SH3GLB1: variants seen among roughly 807,000 people sequenced by gnomAD.
SH3GLB1 encodes the protein endophilin-B1.
SH3GLB1 carries 17 observed loss-of-function variants against 42.0 expected under a neutral mutation model. The observed-to-expected ratio is 0.40, with a 90% CI of 0.28 to 0.61. SH3GLB1 has a LOEUF of 0.61. Among genes scored for constraint, SH3GLB1 ranks in the 20% least tolerant of loss-of-function variants. The pLI, the probability that SH3GLB1 is intolerant of heterozygous loss-of-function variation, is 0.36. For missense variants in SH3GLB1, 355 were observed against 426.3 expected, an observed-to-expected ratio of 0.83 and a Z score of 1.47; for synonymous variants, 132 against 146.6, an observed-to-expected ratio of 0.90 and a Z score of 0.72.
In SH3GLB1 at chr1:86,743,858, A is replaced by C. The variant is rs534947914; in HGVS notation, c.*623A>C. Reference sequence around the variant, plus strand: ...CTACTGAATGGTTTCTTTTAAATTTAAGAACAACTAGTTCTTGAAAAGCAA... The same window carrying C: ...CTACTGAATGGTTTCTTTTAAATTTCAGAACAACTAGTTCTTGAAAAGCAA... On this transcript the variant is annotated 3_prime_UTR_variant, in exon 9 of 9. Transcript: ENST00000370558. 1.3e-5 allele frequency: 2 copies of C among 152,734 alleles called. No homozygotes were observed. The highest frequency in any genetic ancestry group is 4.1e-4 in the South Asian group (2 of 4,826). The allele number at this position is 152,734 out of a possible 1,614,324, so 9.5% of individuals were successfully genotyped here. A position where few individuals can be genotyped will look rare whatever the true frequency, so the allele number is the denominator to read the frequency against.
intron 7 of SH3GLB1, among the ~76,000 whole-genome samples, chr1:86,735,671 C>T (rs376227615): frequency 1.3e-5 from 2 of 152,178 alleles, no homozygotes; most frequent in Non-Finnish European, 1.5e-5. Context: ...AGCTCAATCA[C>T]TCATTCATCA....
Position 86,728,456 on chromosome 1 carries a change from C to A in SH3GLB1, c.570+4051C>A, listed in dbSNP as rs549057908. 17 of 1,554,058 alleles carry A rather than the reference C, an allele frequency of 1.1e-5. No homozygotes were observed. The African/African-American group carries it at 2.0e-4, about 19-fold the overall frequency. Reference sequence around the variant, plus strand: ...ATAACATTATGGTAAATTTCTCTTACATGCTCAACTTCCTGCATGTAAAAT... The same window carrying A: ...ATAACATTATGGTAAATTTCTCTTAAATGCTCAACTTCCTGCATGTAAAAT... On this transcript the variant is annotated intron_variant, in intron 5 of 8. Coordinates refer to ENST00000370558, the MANE Select transcript of SH3GLB1 (RefSeq NM_016009.5).
rs545137591 is a variant in SH3GLB1 at position 86,709,186 on chromosome 1, C to G, written c.72+4215C>G. ...CTCTTGGAACTCTAAAGTTCTGTTACTCTGACTTTCTTTAATAAGTTTGTA... is the reference window on the plus strand; with the variant it reads ...CTCTTGGAACTCTAAAGTTCTGTTAGTCTGACTTTCTTTAATAAGTTTGTA... On this transcript the variant is annotated intron_variant, in intron 1 of 8. Transcript: ENST00000370558. Among the ~76,000 whole-genome samples, 17 of 152,254 alleles carry G rather than the reference C, an allele frequency of 1.1e-4. No homozygotes were observed. The South Asian group carries it at 3.5e-3, about 32-fold the overall frequency.
intron 5 of SH3GLB1, chr1:86,730,059 A>AT (rs1231507588): frequency 6.4e-7 from 1 of 1,574,508 alleles, no homozygotes. Context: ...CATGCTTTAT[A>AT]TTTTTCTCTA....
intron 7 of SH3GLB1, among the ~76,000 whole-genome samples, chr1:86,740,150 CA>C (rs35758882): frequency 0.35 from 48,791 of 141,136 alleles, 10,225 homozygotes; most frequent in African/African-American, 0.63. Flanking sequence ...ACTCCTGTAT[CA>C]AAAAAAAAAA....
intron 5 of SH3GLB1, among the ~76,000 whole-genome samples, chr1:86,725,453 G>C (rs1447754720): frequency 6.6e-6 from 1 of 152,052 alleles, no homozygotes. Context: ...GTTAATCCAA[G>C]TTATACTGTC....
chr1:86,708,542 C>T (rs1001795868), intron 1 of SH3GLB1, among the ~76,000 whole-genome samples: 3 of 152,156 alleles, frequency 2.0e-5, no homozygotes, highest in African/African-American at 7.2e-5. Context: ...ATCACCACTC[C>T]ACTTCCCTCC....
intron 2 of SH3GLB1, among the ~76,000 whole-genome samples, chr1:86,716,254 GT>G (rs144643886): frequency 2.0e-5 from 3 of 149,522 alleles, no homozygotes; most frequent in African/African-American, 7.6e-5. Context: ...TTTTTGGTGT[GT>G]TTTTTTGTTT....
intron 5 of SH3GLB1, among the ~76,000 whole-genome samples, chr1:86,730,687 G>A (rs1212843295): frequency 2.0e-5 from 3 of 151,892 alleles, no homozygotes; most frequent in East Asian, 1.9e-4. Flanking sequence ...GTTTAGTAGC[G>A]GCAGTTTTTT....
chr1:86,742,073 C>A, intron 7 of SH3GLB1, 135 bp from the exon 8 acceptor site: 1 of 628,784 alleles, frequency 1.6e-6, no homozygotes, highest in Non-Finnish European at 2.8e-6. Context: ...TATACTTTGT[C>A]ATTAACGTAT....
intron 5 of SH3GLB1, among the ~76,000 whole-genome samples, chr1:86,733,604 G>A (rs1655626987): frequency 6.6e-6 from 1 of 151,960 alleles, no homozygotes; most frequent in African/African-American, 2.4e-5. Context: ...AAGCTGTGAG[G>A]TTTTATTTCT....
chr1:86,742,833 C>T (rs1021740962), intron 8 of SH3GLB1, among the ~76,000 whole-genome samples: 2 of 151,880 alleles, frequency 1.3e-5, no homozygotes, highest in East Asian at 1.9e-4. Flanking sequence ...TGGTGGTGTG[C>T]GCCTGTAGTC....
chr1:86,741,269 G>A (rs554225317), intron 7 of SH3GLB1, among the ~76,000 whole-genome samples: 154 of 152,258 alleles, frequency 1.0e-3, no homozygotes, highest in African/African-American at 3.6e-3. Context: ...TAGTGCTCGT[G>A]AAGAGAAAAG....
chr1:86,719,050 G>T (rs928131369), intron 2 of SH3GLB1, among the ~76,000 whole-genome samples: 1 of 152,190 alleles, frequency 6.6e-6, no homozygotes, highest in Non-Finnish European at 1.5e-5. Context: ...GAGAGCAAAT[G>T]CTCATGCTAA....
At chr1:86,738,675 T>G (rs1655903007) in intron 7 of SH3GLB1, 1 of 152,286 alleles carries the variant, frequency 6.6e-6, no homozygotes, top group South Asian at 2.1e-4. Context: ...AGAGTTTCAC[T>G]CTTCCAGTCC....
At chr1:86,736,632 A>G (rs1447770474) in intron 7 of SH3GLB1, among the ~76,000 whole-genome samples, 2 of 152,192 alleles carry the variant, frequency 1.3e-5, no homozygotes, top group Non-Finnish European at 2.9e-5. Context: ...CTCGCATTCT[A>G]CTTAAAGCCA....
At chr1:86,706,400 A>T (rs1653871067) in intron 1 of SH3GLB1, among the ~76,000 whole-genome samples, 1 of 152,226 alleles carries the variant, frequency 6.6e-6, no homozygotes, top group Admixed American at 6.5e-5. Flanking sequence ...TTTGATTTCT[A>T]AGTTCTAAAA....
chr1:86,736,786 A>T (rs998786782), intron 7 of SH3GLB1, among the ~76,000 whole-genome samples: 1 of 152,202 alleles, frequency 6.6e-6, no homozygotes, highest in Admixed American at 6.5e-5. Context: ...ACCCTCAATT[A>T]TATTATTGCT....
chr1:86,738,561 T>C (rs1186288274), intron 7 of SH3GLB1: 4 of 150,758 alleles, frequency 2.7e-5, no homozygotes, highest in Non-Finnish European at 1.5e-5. Context: ...GTGGGTGTAT[T>C]TTAGACTTAA....
Sources: allele counts gnomAD v4.1 joint callset (sites outside exome capture counted in the v4.1 genomes callset), GRCh38; gene constraint gnomAD v4.1.1; transcripts MANE v1.5; gene names NCBI Gene and HGNC (gene_info 2026-07-23, HGNC 2026-07-21).